Variants in GLYR1 observed in about 807,000 individuals in gnomAD.
GLYR1 encodes the protein cytokine-like nuclear factor N-PAC.
Under a neutral mutation model 72.7 loss-of-function variants are expected in GLYR1, and 21 were observed. The ratio of observed to expected loss-of-function variants is 0.29; its 90% CI spans 0.20 to 0.42. The LOEUF (loss-of-function observed/expected upper bound fraction) is 0.42, where lower values mean the gene tolerates loss of function less well. Among genes scored for constraint, GLYR1 ranks in the 10% least tolerant of loss-of-function variants. The probability of loss-of-function intolerance (pLI) is 1.00; values close to 1 mark genes in which losing one functional copy is unlikely to be tolerated. For missense variants in GLYR1, 594 were observed against 712.1 expected (o/e 0.83, Z 1.89); for synonymous variants, 392 against 270.2 (o/e 1.45, Z -4.42).
Position 4,847,233 on chromosome 16 carries a change from C to T in GLYR1, c.33G>A (p.Leu11=). 6.2e-7 allele frequency: 1 copy of T among 1,607,858 alleles called. No individual in the cohort carries two copies. Among genetic ancestry groups the T allele is most frequent in the Non-Finnish European group, 8.5e-7 (1 of 1,178,310 alleles). MAAVSLRLGD[L]VWGKLGRYPP... is the part of the protein sequence containing the mutation. Reference sequence around the variant, plus strand: ...GCCCGGCCGCTCGGACTCACCACACCAAGTCGCCGAGCCGCAGACTCACAG... The same window carrying T: ...GCCCGGCCGCTCGGACTCACCACACTAAGTCGCCGAGCCGCAGACTCACAG... Residue 11 remains leucine, a synonymous_variant, in exon 1 of 16, where the codon TTG becomes TTA. Coordinates refer to ENST00000321919, the MANE Select transcript of GLYR1 (RefSeq NM_032569.4).
At chr16:4,841,151 TATC>T (rs1366139055) in intron 3 of GLYR1, among the ~76,000 whole-genome samples, 6 of 152,174 alleles carry the variant, frequency 3.9e-5, no homozygotes, top group African/African-American at 7.2e-5. Context: ...TTAGAAATTA[TATC>T]ATCACCACCA....
Position 4,832,902 on chromosome 16 carries a change from T to A in GLYR1, c.166A>T (p.Lys56Ter), listed in dbSNP as rs971731603. The A allele has an allele frequency of 6.2e-7, 1 of 1,611,324 alleles. No homozygotes were observed. Among genetic ancestry groups the A allele is most frequent in the Non-Finnish European group, 8.5e-7 (1 of 1,178,884 alleles). ...TGATATGGCTTCAGCTGTTCCACTT[T>A]GATCCAGGCACTAGCAGAAAACAAA... ...FFGTEDHAWI[K>*]VEQLKPYHAH... Residue 56 changes from lysine (K) to a stop codon, truncating the protein, a stop_gained, in exon 4 of 16, where the codon AAA becomes TAA. Coordinates refer to ENST00000321919, the MANE Select transcript of GLYR1 (RefSeq NM_032569.4). LOFTEE classifies it high-confidence loss of function.
chr16:4,841,409 C>T (rs149268026), intron 3 of GLYR1, among the ~76,000 whole-genome samples: 1,822 of 132,290 alleles, frequency 0.014, 21 homozygotes, highest in Middle Eastern at 0.057. Context: ...TCACTTGAGC[C>T]CAGGAGTTTG....
At chr16:4,846,910 A>C in intron 1 of GLYR1, 2 of 427,350 alleles carry the variant, frequency 4.7e-6, no homozygotes, top group Non-Finnish European at 8.3e-6. Context: ...GACCCCGGGG[A>C]CCGGTCGTCC....
intron 5 of GLYR1, among the ~76,000 whole-genome samples, chr16:4,829,718 G>C (rs1187682688): frequency 6.6e-6 from 1 of 151,846 alleles, no homozygotes; most frequent in Non-Finnish European, 1.5e-5. Context: ...TGTCGCCCAG[G>C]CTGGAGTGCA....
chr16:4,822,449 G>A (rs896099416), intron 7 of GLYR1, among the ~76,000 whole-genome samples: 12 of 151,712 alleles, frequency 7.9e-5, no homozygotes, highest in Admixed American at 2.0e-4. Flanking sequence ...GGAGTGCAGC[G>A]ACGCAATCTT....
chr16:4,803,345 A>C lies in GLYR1; in HGVS notation c.*1891T>G, dbSNP rs919504554. The C allele has an allele frequency of 6.5e-6, 1 of 152,722 alleles. No individual in the cohort carries two copies. The highest frequency in any genetic ancestry group is 1.5e-5 in the Non-Finnish European group (1 of 68,048). The allele number at this position is 152,722 out of a possible 1,614,324, so 9.5% of individuals were successfully genotyped here. On this transcript the variant is annotated 3_prime_UTR_variant, in exon 16 of 16. Coordinates refer to ENST00000321919, the MANE Select transcript of GLYR1 (RefSeq NM_032569.4). Reference sequence around the variant, plus strand: ...CATTAAAAACAAAGCAAAAATAAAAATTCACAACCTTAATTACCTAGATTT... The same window carrying C: ...CATTAAAAACAAAGCAAAAATAAAACTTCACAACCTTAATTACCTAGATTT...
At chr16:4,826,066 T>C (rs1307534731) in intron 5 of GLYR1, among the ~76,000 whole-genome samples, 2 of 152,054 alleles carry the variant, frequency 1.3e-5, no homozygotes, top group African/African-American at 4.8e-5. Context: ...TTTATTTATT[T>C]GGAGGCATAG....
chr16:4,809,611 C>CAAAAA (rs1245851187), intron 15 of GLYR1, among the ~76,000 whole-genome samples: 1 of 80,240 alleles, frequency 1.2e-5, no homozygotes, highest in African/African-American at 4.9e-5. Context: ...AACTCCGTCT[C>CAAAAA]AAAAAAAAAA....
intron 10 of GLYR1, among the ~76,000 whole-genome samples, chr16:4,815,618 T>C (rs965357829): frequency 2.6e-5 from 4 of 152,230 alleles, no homozygotes; most frequent in African/African-American, 7.2e-5. Context: ...TCAACAAATG[T>C]AGACAGATGA....
chr16:4,816,468 A>AT (rs530351789), intron 10 of GLYR1, among the ~76,000 whole-genome samples: 2 of 152,070 alleles, frequency 1.3e-5, no homozygotes, highest in Admixed American at 6.6e-5. Context: ...CACCCTACTA[A>AT]TTTTTTTGTC....
rs1332504722 is a variant in GLYR1, at chr16:4,829,797, C to T, written c.537+2182G>A. Reference sequence around the variant, plus strand: ...ACGTGATTCTCCTGCCTCATCCTCCCGAGTAGTTGGAATTACAGGAGCGTG... The same window carrying T: ...ACGTGATTCTCCTGCCTCATCCTCCTGAGTAGTTGGAATTACAGGAGCGTG... On this transcript the variant is annotated intron_variant, in intron 5 of 15. Transcript: ENST00000321919. 4.6e-5 allele frequency among the ~76,000 whole-genome samples: 7 copies of T among 152,110 alleles called. No homozygotes were observed. In the East Asian group the frequency reaches 7.7e-4, roughly 17 times the overall value.
intron 9 of GLYR1, among the ~76,000 whole-genome samples, chr16:4,818,132 T>C (rs1366084859): frequency 1.3e-5 from 2 of 152,048 alleles, no homozygotes; most frequent in African/African-American, 4.8e-5. Context: ...GTAGCTGGGA[T>C]TACAGGCGCA....
intron 9 of GLYR1, among the ~76,000 whole-genome samples, chr16:4,819,953 C>G (rs1291408201): frequency 6.6e-6 from 1 of 152,126 alleles, no homozygotes; most frequent in Non-Finnish European, 1.5e-5. Flanking sequence ...AGGCGAATTC[C>G]CTTTCCTTTC....
rs917627574 is a variant in GLYR1 at position 4,805,435 on chromosome 16, G to A, written c.1588-125C>T. 8 of 779,736 alleles carry A rather than the reference G, an allele frequency of 1.0e-5. No homozygotes were observed. The African/African-American group carries it at 1.4e-4, about 13-fold the overall frequency. 48.3% of individuals were successfully genotyped at this position (779,736 alleles called of 1,614,324 possible). A position where few individuals can be genotyped will look rare whatever the true frequency, so the allele number is the denominator to read the frequency against. On this transcript the variant is annotated intron_variant, in intron 15 of 15. Coordinates refer to ENST00000321919, the MANE Select transcript of GLYR1 (RefSeq NM_032569.4). ...GCTGGAGCCCAGGCTGTCCGGTTAG[G>A]AATCCTGTGTTGACCTTGCATGAAG...
At chr16:4,816,115 G>C (rs2083626740) in intron 10 of GLYR1, among the ~76,000 whole-genome samples, 1 of 151,986 alleles carries the variant, frequency 6.6e-6, no homozygotes, top group African/African-American at 2.4e-5. Flanking sequence ...TATTTTTTAT[G>C]CCTTTGTTTC....
At chr16:4,843,704 C>A in intron 3 of GLYR1, 1 of 1,178,564 alleles carries the variant, frequency 8.5e-7, no homozygotes, top group Non-Finnish European at 1.1e-6. Context: ...ATACTTTAAC[C>A]GTCAGAATTA....
intron 15 of GLYR1, among the ~76,000 whole-genome samples, chr16:4,810,843 G>T (rs1349972858): frequency 6.7e-6 from 1 of 150,268 alleles, no homozygotes; most frequent in Non-Finnish European, 1.5e-5. Flanking sequence ...GGTAGCTCAT[G>T]CCTGTAATCC....
At chr16:4,807,883 G>C (rs929995485) in intron 15 of GLYR1, among the ~76,000 whole-genome samples, 1 of 152,220 alleles carries the variant, frequency 6.6e-6, no homozygotes, top group African/African-American at 2.4e-5. Context: ...AATGTAATCT[G>C]AAAGAGTCAT....
Sources: gnomAD v4.1 joint callset for allele counts (sites outside exome capture counted in the v4.1 genomes callset) on GRCh38, gnomAD v4.1.1 for gene constraint, MANE v1.5 for transcripts, NCBI Gene and HGNC (gene_info 2026-07-23, HGNC 2026-07-21) for gene names.